RSRC1: variants seen among roughly 807,000 people sequenced by gnomAD.
RSRC1 encodes the protein serine/Arginine-related protein 53.
RSRC1 carries 39 observed loss-of-function variants against 49.1 expected under a neutral mutation model. That is an observed-to-expected ratio of 0.79 (90% CI 0.61 to 1.04). The LOEUF (loss-of-function observed/expected upper bound fraction) is 1.04, where lower values mean the gene tolerates loss of function less well. RSRC1 is among the 50% of genes least tolerant of loss of function. The probability of loss-of-function intolerance (pLI) is 0.00; values close to 1 mark genes in which losing one functional copy is unlikely to be tolerated. For missense variants in RSRC1, 388 were observed against 402.4 expected (o/e 0.96, Z 0.31); for synonymous variants, 143 against 130.8 (o/e 1.09, Z -0.63).
chr3:158,154,351 G>A (rs1022369060), intron 3 of RSRC1, among the ~76,000 whole-genome samples: 9 of 152,020 alleles, frequency 5.9e-5, no homozygotes, highest in African/African-American at 1.9e-4. Flanking sequence ...TTGGGGTGGC[G>A]GTGGCAATTT....
At chr3:158,292,688 CCTCT>C (rs146135409) in intron 4 of RSRC1, among the ~76,000 whole-genome samples, 85 of 152,224 alleles carry the variant, frequency 5.6e-4, no homozygotes, top group African/African-American at 1.9e-3. Context: ...TTGGATGTTG[CCTCT>C]CTATTTTTTC....
At chr3:158,506,259 CATAATA>C (rs762053715) in intron 7 of RSRC1, among the ~76,000 whole-genome samples, 2 of 151,776 alleles carry the variant, frequency 1.3e-5, no homozygotes, top group East Asian at 3.9e-4. Context: ...CTCAATAGCA[CATAATA>C]ATAATAATAA....
intron 7 of RSRC1, among the ~76,000 whole-genome samples, chr3:158,500,172 G>T (rs1739526605): frequency 6.6e-6 from 1 of 152,162 alleles, no homozygotes; most frequent in African/African-American, 2.4e-5. Context: ...GACATTTATT[G>T]ACTTGCATAT....
At chr3:158,435,986 G>C (rs1228970790) in intron 6 of RSRC1, among the ~76,000 whole-genome samples, 1 of 151,808 alleles carries the variant, frequency 6.6e-6, no homozygotes, top group African/African-American at 2.4e-5. Context: ...ATAAATCTCA[G>C]AATGTCCTTT....
chr3:158,195,003 G>GT (rs1321461899), intron 3 of RSRC1, among the ~76,000 whole-genome samples: 2 of 152,094 alleles, frequency 1.3e-5, no homozygotes, highest in Non-Finnish European at 2.9e-5. Flanking sequence ...AATCCTTTGG[G>GT]TATATACCCA....
chr3:158,513,506 G>C (rs558381891), intron 7 of RSRC1, among the ~76,000 whole-genome samples: 1 of 152,238 alleles, frequency 6.6e-6, no homozygotes, highest in Admixed American at 6.5e-5. Flanking sequence ...TGTGCTGCTG[G>C]ATTCAGTTTG....
chr3:158,427,295 G>T (rs1456610024), intron 6 of RSRC1, among the ~76,000 whole-genome samples: 1 of 151,758 alleles, frequency 6.6e-6, no homozygotes, highest in African/African-American at 2.4e-5. Context: ...ATGAAAACAT[G>T]TAGTGTGTTT....
intron 1 of RSRC1, among the ~76,000 whole-genome samples, chr3:158,111,456 A>G (rs1430536913): frequency 6.6e-6 from 1 of 152,244 alleles, no homozygotes; most frequent in Non-Finnish European, 1.5e-5. Flanking sequence ...GTAGATCTAT[A>G]GTTGTATTTC....
At chr3:158,353,572 TCTC>T (rs1042563178) in intron 5 of RSRC1, among the ~76,000 whole-genome samples, 25 of 152,318 alleles carry the variant, frequency 1.6e-4, no homozygotes, top group Middle Eastern at 3.4e-3. Flanking sequence ...GTTCTCCCAG[TCTC>T]CTCACTTGTC....
intron 4 of RSRC1, among the ~76,000 whole-genome samples, chr3:158,284,355 G>C (rs200713336): frequency 1.4e-5 from 2 of 147,862 alleles, no homozygotes; most frequent in Admixed American, 6.8e-5. Flanking sequence ...ATAAACATAT[G>C]TGTGCATGTG....
intron 6 of RSRC1, 64 bp from the exon 7 acceptor site, chr3:158,460,871 C>T: frequency 9.4e-7 from 1 of 1,061,526 alleles, no homozygotes; most frequent in Non-Finnish European, 1.3e-6. Flanking sequence ...GTCCCTTTAA[C>T]CAATATTTTC....
At chr3:158,489,524 G>A (rs1174701276) in intron 7 of RSRC1, among the ~76,000 whole-genome samples, 2 of 151,954 alleles carry the variant, frequency 1.3e-5, no homozygotes, top group African/African-American at 4.8e-5. Flanking sequence ...AATGGATATA[G>A]AACAATACAA....
intron 6 of RSRC1, among the ~76,000 whole-genome samples, chr3:158,363,589 T>G (rs929777135): frequency 6.6e-6 from 1 of 152,168 alleles, no homozygotes; most frequent in Non-Finnish European, 1.5e-5. Context: ...AATTCATAAG[T>G]TAAATACCTG....
intron 4 of RSRC1, among the ~76,000 whole-genome samples, chr3:158,228,533 A>G (rs765444130): frequency 6.6e-6 from 1 of 152,006 alleles, no homozygotes; most frequent in South Asian, 2.1e-4. Flanking sequence ...ATCCCATATC[A>G]TAACTTTTCC....
At chr3:158,412,171 G>A (rs563992549) in intron 6 of RSRC1, among the ~76,000 whole-genome samples, 4 of 151,968 alleles carry the variant, frequency 2.6e-5, no homozygotes, top group South Asian at 2.1e-4. Context: ...TCTATCTTCA[G>A]TGCTTAAGAG....
chr3:158,199,804 A>G (rs1190037488), intron 3 of RSRC1, among the ~76,000 whole-genome samples: 3 of 152,086 alleles, frequency 2.0e-5, no homozygotes, highest in African/African-American at 7.2e-5. Flanking sequence ...TTTGGTTTCC[A>G]TATATCTGGA....
chr3:158,359,519 A>G (rs1490184639), intron 6 of RSRC1, among the ~76,000 whole-genome samples: 1 of 152,154 alleles, frequency 6.6e-6, no homozygotes, highest in Non-Finnish European at 1.5e-5. Context: ...AGGTGGCAGC[A>G]TGGGCACCAG....
intron 7 of RSRC1, among the ~76,000 whole-genome samples, chr3:158,522,036 T>G (rs1341799585): frequency 1.3e-5 from 2 of 152,058 alleles, no homozygotes; most frequent in Non-Finnish European, 2.9e-5. Context: ...CGTTATTGAT[T>G]GAGATTTCCA....
At chr3:158,183,969 G>T (rs1211551642) in intron 3 of RSRC1, among the ~76,000 whole-genome samples, 1 of 152,066 alleles carries the variant, frequency 6.6e-6, no homozygotes, top group Non-Finnish European at 1.5e-5. Context: ...CATGCTAGGT[G>T]CTACTGGGGT....
Sources: gnomAD v4.1 joint callset for allele counts (sites outside exome capture counted in the v4.1 genomes callset) on GRCh38, gnomAD v4.1.1 for gene constraint, MANE v1.5 for transcripts, NCBI Gene and HGNC (gene_info 2026-07-23, HGNC 2026-07-21) for gene names.